The following ITCH variants were observed in gnomAD, a reference collection of about 807,000 sequenced individuals.
The protein encoded by ITCH is E3 ubiquitin-protein ligase Itchy homolog.
A neutral mutation model predicts 126.8 loss-of-function variants in ITCH; 28 were observed. The observed-to-expected ratio is 0.22, with a 90% CI of 0.16 to 0.30. ITCH has a LOEUF of 0.30. Ranked by LOEUF, ITCH falls within the 10% of genes least tolerant of loss-of-function variation. The pLI is 1.00. For synonymous variants in ITCH, 342 were observed against 340.0 expected (o/e 1.01, Z -0.06); for missense variants, 631 against 1,032.4 (o/e 0.61, Z 5.33).
chr20:34,477,662 T>C, intron 16 of ITCH, 110 bp from the exon 17 acceptor site: 3 of 895,130 alleles, frequency 3.4e-6, no homozygotes, highest in Non-Finnish European at 3.6e-6. Context: ...CACCTTTCTG[T>C]GTCATGGGAG....
intron 15 of ITCH, 31 bp downstream of exon 15, chr20:34,470,151 C>G (rs1987480160): frequency 6.7e-7 from 1 of 1,486,610 alleles, no homozygotes; most frequent in South Asian, 1.1e-5. Flanking sequence ...TCTGTACTGC[C>G]TTAACTTTGT....
At chr20:34,376,620 G>A (rs1483423612) in intron 2 of ITCH, among the ~76,000 whole-genome samples, 1 of 152,118 alleles carries the variant, frequency 6.6e-6, no homozygotes, top group African/African-American at 2.4e-5. Flanking sequence ...ACTTCAGGGG[G>A]TGGAGTTTAA....
At chr20:34,472,445 A>G (rs909419446) in intron 16 of ITCH, among the ~76,000 whole-genome samples, 1 of 152,044 alleles carries the variant, frequency 6.6e-6, no homozygotes, top group African/African-American at 2.4e-5. Flanking sequence ...ATTACTAATA[A>G]CCTACTGCAA....
chr20:34,432,856 C>G (rs1330726132), intron 7 of ITCH, among the ~76,000 whole-genome samples: 1 of 152,102 alleles, frequency 6.6e-6, no homozygotes, highest in Non-Finnish European at 1.5e-5. Flanking sequence ...ACACAAAAGG[C>G]TGAGTCAGGA....
chr20:34,473,372 A>G (rs1987831893), intron 16 of ITCH, among the ~76,000 whole-genome samples: 1 of 152,146 alleles, frequency 6.6e-6, no homozygotes, highest in African/African-American at 2.4e-5. Context: ...TTCCACACAT[A>G]TGTGGTAATC....
chr20:34,396,732 G>A (rs535946929), intron 3 of ITCH, among the ~76,000 whole-genome samples: 15 of 152,196 alleles, frequency 9.9e-5, no homozygotes, highest in Admixed American at 3.3e-4. Context: ...CTTTTCATGT[G>A]CTTATTGGTC....
At chr20:34,460,089 T>G (rs1986370092) in intron 13 of ITCH, among the ~76,000 whole-genome samples, 1 of 152,238 alleles carries the variant, frequency 6.6e-6, no homozygotes. Flanking sequence ...ACTGAGCCTA[T>G]CTTGCAAGTA....
chr20:34,436,066 G>A (rs1331511174), intron 7 of ITCH, among the ~76,000 whole-genome samples: 1 of 152,140 alleles, frequency 6.6e-6, no homozygotes, highest in East Asian at 1.9e-4. Flanking sequence ...GTACAGCATT[G>A]ATGTTAAAAT....
In ITCH at chr20:34,466,478, G is replaced by A. The variant is rs1987079395; in HGVS notation, c.1425-3570G>A. On this transcript the variant is annotated intron_variant, in intron 14 of 24. Coordinates refer to ENST00000374864, the MANE Select transcript of ITCH (RefSeq NM_031483.7). ...ACTTTTATATTTAAAGCAGAAACTG[G>A]AAAATCAGGCCAATTTGGTATTAAT... 6.3e-6 allele frequency: 3 copies of A among 478,882 alleles called. No homozygotes were observed. In the Admixed American group the frequency reaches 8.2e-5, roughly 13 times the overall value. The allele number at this position is 478,882 out of a possible 1,614,324, so 29.7% of individuals were successfully genotyped here. A position where few individuals can be genotyped will look rare whatever the true frequency, so the allele number is the denominator to read the frequency against.
intron 2 of ITCH, among the ~76,000 whole-genome samples, chr20:34,372,383 A>ATTTTTTTTTTT (rs1568853490): frequency 2.8e-5 from 2 of 70,228 alleles, no homozygotes; most frequent in Non-Finnish European, 5.4e-5. Flanking sequence ...TTTAAGTTCT[A>ATTTTTTTTTTT]CTTTTTTTTT....
intron 6 of ITCH, among the ~76,000 whole-genome samples, chr20:34,421,458 C>T (rs1054078850): frequency 1.3e-5 from 2 of 152,134 alleles, no homozygotes; most frequent in Admixed American, 6.5e-5. Context: ...AAAACATGTG[C>T]ATTTAGCAAT....
chr20:34,386,091 C>CTTTGTTTTTTTT lies in ITCH; in HGVS notation c.-21-7691_-21-7680dup, dbSNP rs1555851846. Among the ~76,000 whole-genome samples the CTTTGTTTTTTTT allele has an allele frequency of 9.6e-4, 144 of 149,312 alleles. 1 individual carries two copies. Among genetic ancestry groups the CTTTGTTTTTTTT allele is most frequent in the African/African-American group, 3.3e-3 (131 of 40,044 alleles). ...GTAGCCCATGCACCAAAGTCGGCTC[C>CTTTGTTTTTTTT]TTTGTTTTTTTTTTTGTTTTGTTTT... is the stretch of plus-strand genomic sequence containing the variant. On this transcript the variant is annotated intron_variant, in intron 2 of 24. Transcript: ENST00000374864.
chr20:34,505,211 T>G (rs1990542891), intron 24 of ITCH, among the ~76,000 whole-genome samples: 1 of 151,998 alleles, frequency 6.6e-6, no homozygotes, highest in Non-Finnish European at 1.5e-5. Flanking sequence ...GCCCAGCTAA[T>G]TTTTGTATTT....
chr20:34,382,379 T>C (rs1374194006), intron 2 of ITCH, among the ~76,000 whole-genome samples: 1 of 152,204 alleles, frequency 6.6e-6, no homozygotes, highest in African/African-American at 2.4e-5. Context: ...ACTCAGTGAC[T>C]CAGTATTGAC....
intron 13 of ITCH, among the ~76,000 whole-genome samples, chr20:34,459,750 A>G (rs1295075863): frequency 6.6e-6 from 1 of 152,238 alleles, no homozygotes; most frequent in Non-Finnish European, 1.5e-5. Flanking sequence ...AACTAAAACT[A>G]AAAATAAATA....
At chr20:34,409,137 A>ACCC (rs1213932247) in intron 4 of ITCH, among the ~76,000 whole-genome samples, 1 of 58,084 alleles carries the variant, frequency 1.7e-5, no homozygotes, top group African/African-American at 8.7e-5. Context: ...GATTATGAGT[A>ACCC]CTCCCCCCCC....
intron 21 of ITCH, 146 bp from the exon 22 acceptor site, chr20:34,489,676 A>T: frequency 1.4e-6 from 1 of 716,790 alleles, no homozygotes; most frequent in Non-Finnish European, 2.5e-6. Flanking sequence ...TTCATGAGCA[A>T]TGTAGATATA....
chr20:34,443,534 G>GA (rs1568946769), intron 10 of ITCH, among the ~76,000 whole-genome samples: 1 of 151,654 alleles, frequency 6.6e-6, no homozygotes, highest in Non-Finnish European at 1.5e-5. Flanking sequence ...AATAATTGAA[G>GA]AAAAAATATT....
At position 34,412,591 on chromosome 20, in the gene ITCH, A is replaced by G; in HGVS notation, c.289A>G (p.Thr97Ala). 1.2e-6 allele frequency: 2 copies of G among 1,604,254 alleles called. No individual in the cohort carries two copies. The highest frequency in any genetic ancestry group is 1.7e-6 in the Non-Finnish European group (2 of 1,171,174). ...ACTGAAATCTGATGTTTTGTTGGGA[A>G]CTGCTGCATTAGATATTTATGAAAC... The part of the protein sequence containing the change: ...QTLKSDVLLG[T>A]AALDIYETLK... Residue 97 changes from threonine to alanine, a missense_variant, in exon 5 of 25, where the codon ACT (threonine) becomes GCT (alanine). Physicochemically the swap from Thr to Ala is moderately conservative, Grantham distance 58. Around this residue, in one of 4 missense-constraint regions of ITCH, gnomAD observed 220 missense variants for 265.7 expected, o/e 0.83. Coordinates refer to ENST00000374864, the MANE Select transcript of ITCH (RefSeq NM_031483.7).
Sources: gnomAD v4.1 joint callset for allele counts (sites outside exome capture counted in the v4.1 genomes callset) on GRCh38, gnomAD v4.1.1 for gene constraint, gnomAD v4.1.1 regional missense constraint, MANE v1.5 for transcripts, NCBI Gene and HGNC (gene_info 2026-07-23, HGNC 2026-07-21) for gene names.